The following NGLY1 variants were observed in gnomAD, a reference collection of about 807,000 sequenced individuals.
NGLY1 encodes the protein N-glycanase 1, also known as peptide-N(4)-(N-acetyl-beta-glucosaminyl)asparagine amidase.
Under a neutral mutation model 84.6 loss-of-function variants are expected in NGLY1, and 68 were observed. That is an observed-to-expected ratio of 0.80 (90% CI 0.66 to 0.98). The LOEUF is 0.98. Among genes scored for constraint, NGLY1 ranks in the 50% least tolerant of loss-of-function variants. The probability of loss-of-function intolerance (pLI) is 0.00; values close to 1 mark genes in which losing one functional copy is unlikely to be tolerated. For synonymous variants in NGLY1, 280 were observed against 275.2 expected, an observed-to-expected ratio of 1.02 and a Z score of -0.17; for missense variants, 779 against 770.2, an observed-to-expected ratio of 1.01 and a Z score of -0.14.
At chr3:25,739,503 G>A in intron 5 of NGLY1, 74 bp downstream of exon 5, 1 of 1,377,830 alleles carries the variant, frequency 7.3e-7, no homozygotes, top group South Asian at 1.3e-5. Context: ...ATATTAAAAA[G>A]TTCATTTAGT....
At chr3:25,782,953 G>A in intron 1 of NGLY1, 2 of 324,620 alleles carry the variant, frequency 6.2e-6, no homozygotes, top group Non-Finnish European at 1.2e-5. Context: ...TCTGAAGCAC[G>A]CCTTCCTACC....
At chr3:25,748,530 T>C (rs1025188446) in intron 4 of NGLY1, among the ~76,000 whole-genome samples, 1 of 152,242 alleles carries the variant, frequency 6.6e-6, no homozygotes, top group African/African-American at 2.4e-5. Flanking sequence ...CAGTACATCA[T>C]GCCCAGCTTT....
intron 3 of NGLY1, among the ~76,000 whole-genome samples, chr3:25,756,665 G>GT: frequency 6.6e-6 from 1 of 152,152 alleles, no homozygotes; most frequent in African/African-American, 2.4e-5. Flanking sequence ...CCACATACAC[G>GT]TATGTTTTGA....
chr3:25,779,533 T>C (rs1349279576), intron 1 of NGLY1, among the ~76,000 whole-genome samples: 2 of 152,188 alleles, frequency 1.3e-5, no homozygotes, highest in Non-Finnish European at 1.5e-5. Context: ...TTAAGTACTA[T>C]GTTAAGGAGG....
chr3:25,729,391 C>A, intron 9 of NGLY1, 73 bp from the exon 10 acceptor site: 1 of 952,326 alleles, frequency 1.1e-6, no homozygotes, highest in South Asian at 4.0e-5. Flanking sequence ...AATTACTAAG[C>A]AGAGTGGTAA....
chr3:25,727,247 C>G (rs1030214187), intron 10 of NGLY1, among the ~76,000 whole-genome samples: 4 of 152,162 alleles, frequency 2.6e-5, no homozygotes, highest in African/African-American at 9.6e-5. Flanking sequence ...GAAATTCACT[C>G]AACTTAAAAA....
In NGLY1 at chr3:25,778,627, G is replaced by C. The variant is rs1708259192; in HGVS notation, c.193C>G (p.Leu65Val). The change falls in exon 2 of 12, where the codon CTC becomes GTC. Residue 65 changes from leucine (L) to valine (V), a missense_variant. Physicochemically the swap from Leu to Val is conservative, Grantham distance 32. Coordinates refer to ENST00000280700, the MANE Select transcript of NGLY1 (RefSeq NM_018297.4). ...TCAACAGCTCCTCTGACAGGCAAGA[G>C]TCTAGTAGAAAAGGCTGTGTTTCCA... ...RIGNTAFSTR[L>V]LPVRGAVECL... 6.2e-7 allele frequency: 1 copy of C among 1,612,662 alleles called. No individual in the cohort carries two copies.
rs181177043 is a variant in NGLY1 at position 25,734,645 on chromosome 3, G to C, written c.1150-663C>G. ...GAGAATCGCTTGAACTTGGGAGGCAGAGGTTGCAGTGAGCTGGGATCATGC... is the reference window on the plus strand; with the variant it reads ...GAGAATCGCTTGAACTTGGGAGGCACAGGTTGCAGTGAGCTGGGATCATGC... On this transcript the variant is annotated intron_variant, in intron 7 of 11. Transcript: ENST00000280700. 940 of 299,854 alleles carry C rather than the reference G, an allele frequency of 3.1e-3. 3 individuals are homozygous for C. Among genetic ancestry groups the C allele is most frequent in the Admixed American group, 5.2e-3 (81 of 15,486 alleles). 18.6% of individuals were successfully genotyped at this position (299,854 alleles called of 1,614,324 possible).
intron 2 of NGLY1, among the ~76,000 whole-genome samples, chr3:25,774,570 G>A (rs1335779743): frequency 3.3e-5 from 5 of 152,028 alleles, no homozygotes; most frequent in Non-Finnish European, 4.4e-5. Flanking sequence ...AGGGAAGTGG[G>A]GGAAAGCCAG....
intron 2 of NGLY1, among the ~76,000 whole-genome samples, chr3:25,775,224 C>A (rs1458985071): frequency 6.6e-6 from 1 of 152,210 alleles, no homozygotes; most frequent in African/African-American, 2.4e-5. Context: ...AGCAAAAGTT[C>A]ACGATGTGAG....
At chr3:25,756,592 T>G (rs1249377734) in intron 3 of NGLY1, among the ~76,000 whole-genome samples, 1 of 152,234 alleles carries the variant, frequency 6.6e-6, no homozygotes, top group African/African-American at 2.4e-5. Flanking sequence ...AAATTTGTTT[T>G]GATAAGTAAT....
At chr3:25,760,375 C>CAT (rs1707249855) in intron 3 of NGLY1, among the ~76,000 whole-genome samples, 1 of 151,850 alleles carries the variant, frequency 6.6e-6, no homozygotes, top group Non-Finnish European at 1.5e-5. Context: ...ACCTTTTTTC[C>CAT]ATATAATAAT....
chr3:25,752,947 G>C (rs1706834292), intron 3 of NGLY1, among the ~76,000 whole-genome samples: 1 of 151,850 alleles, frequency 6.6e-6, no homozygotes, highest in Non-Finnish European at 1.5e-5. Flanking sequence ...AGGATAAAAA[G>C]AACAAACAGA....
chr3:25,739,848 A>T (rs2125485912), intron 4 of NGLY1, 49 bp from the exon 5 acceptor site: 1 of 1,338,076 alleles, frequency 7.5e-7, no homozygotes, highest in South Asian at 1.2e-5. Flanking sequence ...GACAAAATTT[A>T]AACTATCCAA....
At chr3:25,755,444 C>T in intron 3 of NGLY1, 1 of 1,464,538 alleles carries the variant, frequency 6.8e-7, no homozygotes, top group Non-Finnish European at 9.6e-7. Context: ...AGTTTCAACT[C>T]CAATGTCAGT....
upstream of NGLY1, among the ~76,000 whole-genome samples, chr3:25,784,890 C>T (rs532530063): frequency 1.3e-5 from 2 of 152,234 alleles, no homozygotes; most frequent in Admixed American, 1.3e-4. Context: ...GCTCATATAA[C>T]ACTTTAATAA....
intron 2 of NGLY1, among the ~76,000 whole-genome samples, chr3:25,767,224 A>C (rs2932010): frequency 6.6e-6 from 1 of 151,342 alleles, no homozygotes; most frequent in South Asian, 2.1e-4. Flanking sequence ...CCCAGGAGGC[A>C]GAGGTTGCAG....
intron 7 of NGLY1, chr3:25,735,799 C>T: frequency 2.3e-6 from 1 of 437,348 alleles, no homozygotes; most frequent in East Asian, 3.8e-5. Context: ...TAGCCATCAA[C>T]AGGTGAAATG....
At chr3:25,725,754 A>G (rs1325379985) in intron 10 of NGLY1, among the ~76,000 whole-genome samples, 1 of 152,184 alleles carries the variant, frequency 6.6e-6, no homozygotes, top group Non-Finnish European at 1.5e-5. Flanking sequence ...ACAGAAAAAA[A>G]AAAATACTTG....
Sources: allele counts gnomAD v4.1 joint callset (sites outside exome capture counted in the v4.1 genomes callset), GRCh38; gene constraint gnomAD v4.1.1; transcripts MANE v1.5; gene names NCBI Gene and HGNC (gene_info 2026-07-23, HGNC 2026-07-21).